The following NRXN3 variants were observed in gnomAD, a reference collection of about 807,000 sequenced individuals.
NRXN3 encodes the protein neurexin III.
Under a neutral mutation model 137.6 loss-of-function variants are expected in NRXN3, and 32 were observed. The ratio of observed to expected loss-of-function variants is 0.23; its 90% CI spans 0.18 to 0.31. The LOEUF (loss-of-function observed/expected upper bound fraction) is 0.31, where lower values mean the gene tolerates loss of function less well. Among genes scored for constraint, NRXN3 ranks in the 10% least tolerant of loss-of-function variants. NRXN3 has a pLI of 1.00. For missense variants in NRXN3, 1,574 were observed against 2,062.5 expected, an observed-to-expected ratio of 0.76 and a Z score of 4.59; for synonymous variants, 798 against 784.5, an observed-to-expected ratio of 1.02 and a Z score of -0.29.
At chr14:78,627,165 C>T (rs1262113967) in intron 4 of NRXN3, among the ~76,000 whole-genome samples, 7 of 130,784 alleles carry the variant, frequency 5.4e-5, no homozygotes, top group African/African-American at 2.0e-4. Context: ...GACTGCTCTG[C>T]ATCAGGCTAG....
At chr14:79,117,007 A>G (rs2054559422) in intron 15 of NRXN3, among the ~76,000 whole-genome samples, 1 of 152,220 alleles carries the variant, frequency 6.6e-6, no homozygotes, top group Non-Finnish European at 1.5e-5. Context: ...GTAATAATTG[A>G]CATACCTTTA....
intron 15 of NRXN3, among the ~76,000 whole-genome samples, chr14:79,295,947 T>C (rs1598400209): frequency 6.6e-6 from 1 of 152,174 alleles, no homozygotes; most frequent in East Asian, 1.9e-4. Flanking sequence ...TTCAGTCTTC[T>C]ACTGTTTTCC....
chr14:78,588,344 G>A (rs1229201589), intron 4 of NRXN3, among the ~76,000 whole-genome samples: 1 of 152,066 alleles, frequency 6.6e-6, no homozygotes, highest in Non-Finnish European at 1.5e-5. Flanking sequence ...ATTTTCCTAG[G>A]TGATACAGTT....
intron 15 of NRXN3, chr14:78,988,444 G>T: frequency 8.2e-6 from 3 of 367,612 alleles, no homozygotes; most frequent in South Asian, 5.1e-5. Context: ...TTGTTGTAAG[G>T]GCTTCAGTTC....
chr14:78,171,689 A>G (rs1356403756), intron 1 of NRXN3, among the ~76,000 whole-genome samples: 3 of 150,944 alleles, frequency 2.0e-5, no homozygotes, highest in South Asian at 2.1e-4. Flanking sequence ...TGTAATACCA[A>G]CCTAAGGGCT....
chr14:78,988,387 G>A (rs1056853576), intron 15 of NRXN3: 7 of 472,708 alleles, frequency 1.5e-5, no homozygotes, highest in East Asian at 8.1e-5. Context: ...TTAGAATAGC[G>A]ACTGAGAAAC....
intron 4 of NRXN3, among the ~76,000 whole-genome samples, chr14:78,340,421 C>T (rs923732247): frequency 8.5e-5 from 13 of 152,156 alleles, no homozygotes; most frequent in African/African-American, 3.1e-4. Context: ...CTTATAACTA[C>T]AATTATTTTT....
intron 15 of NRXN3, among the ~76,000 whole-genome samples, chr14:79,251,422 G>A (rs2075910630): frequency 6.6e-6 from 1 of 152,122 alleles, no homozygotes; most frequent in Non-Finnish European, 1.5e-5. Flanking sequence ...TCAGAATTTT[G>A]AGCCTGAATA....
intron 10 of NRXN3, among the ~76,000 whole-genome samples, chr14:78,856,669 G>T (rs931749108): frequency 6.6e-6 from 1 of 152,074 alleles, no homozygotes; most frequent in East Asian, 1.9e-4. Flanking sequence ...ATTCTGCCCT[G>T]TTGAGTGTCT....
chr14:79,579,108 G>GA (rs1216174413), intron 16 of NRXN3, among the ~76,000 whole-genome samples: 1 of 151,778 alleles, frequency 6.6e-6, no homozygotes, highest in Non-Finnish European at 1.5e-5. Context: ...CATATGACCT[G>GA]AAATTTGAAC....
chr14:78,864,984 G>A (rs2099082870), intron 10 of NRXN3, among the ~76,000 whole-genome samples: 1 of 152,174 alleles, frequency 6.6e-6, no homozygotes, highest in Non-Finnish European at 1.5e-5. Context: ...AAGAGTGAGA[G>A]AAAGTCAAAG....
chr14:79,268,466 T>C (rs2153421380), intron 15 of NRXN3, among the ~76,000 whole-genome samples: 1 of 152,310 alleles, frequency 6.6e-6, no homozygotes, highest in East Asian at 1.9e-4. Flanking sequence ...TTCTTGTTGC[T>C]CAGCCACAGC....
chr14:78,602,757 T>A (rs972796016), intron 4 of NRXN3, among the ~76,000 whole-genome samples: 12 of 152,192 alleles, frequency 7.9e-5, no homozygotes, highest in African/African-American at 2.2e-4. Flanking sequence ...TGGCTGGCTT[T>A]CTAAACCAGC....
intron 15 of NRXN3, among the ~76,000 whole-genome samples, chr14:79,225,307 C>T (rs1409505419): frequency 6.6e-6 from 1 of 152,122 alleles, no homozygotes; most frequent in African/African-American, 2.4e-5. Flanking sequence ...GCCAAAGTAT[C>T]TTGCTTTACC....
chr14:78,524,995 C>T (rs559532601), intron 4 of NRXN3, among the ~76,000 whole-genome samples: 12 of 152,306 alleles, frequency 7.9e-5, no homozygotes, highest in Admixed American at 1.3e-4. Context: ...ATCCTCTTAA[C>T]GGCATGTGTT....
chr14:78,782,327 A>G (rs781285321), intron 8 of NRXN3, among the ~76,000 whole-genome samples: 8 of 152,216 alleles, frequency 5.3e-5, no homozygotes, highest in Non-Finnish European at 1.2e-4. Context: ...TTGTGGTTTA[A>G]TCGAGCTCTC....
chr14:79,176,999 TG>T (rs1246734510), intron 15 of NRXN3, among the ~76,000 whole-genome samples: 2 of 151,904 alleles, frequency 1.3e-5, no homozygotes, highest in Non-Finnish European at 2.9e-5. Flanking sequence ...AAATAAGGAG[TG>T]TGGTATAGAC....
intron 15 of NRXN3, among the ~76,000 whole-genome samples, chr14:79,422,663 T>A (rs1013927154): frequency 1.6e-4 from 25 of 151,862 alleles, no homozygotes; most frequent in Non-Finnish European, 2.8e-4. Flanking sequence ...CTGTCTAGAT[T>A]GAGCATGCAA....
chr14:78,198,705 A>G (rs2061430547), intron 1 of NRXN3, among the ~76,000 whole-genome samples: 1 of 152,222 alleles, frequency 6.6e-6, no homozygotes, highest in African/African-American at 2.4e-5. Context: ...CTTGCAAATA[A>G]AAAGTTTATT....
Sources: gnomAD v4.1 joint callset for allele counts (sites outside exome capture counted in the v4.1 genomes callset) on GRCh38, gnomAD v4.1.1 for gene constraint, MANE v1.5 for transcripts, NCBI Gene and HGNC (gene_info 2026-07-23, HGNC 2026-07-21) for gene names.